The following RP1 variants were observed in gnomAD, a reference collection of about 807,000 sequenced individuals.
RP1 encodes RP1 axonemal microtubule associated.
A neutral mutation model predicts 14.8 loss-of-function variants in RP1; 16 were observed. That is an observed-to-expected ratio of 1.08 (90% CI 0.73 to 1.65). The LOEUF (loss-of-function observed/expected upper bound fraction) is 1.65. RP1 is among the 40% of genes most tolerant of loss of function. The pLI is 0.00. For synonymous variants in RP1, 876 were observed against 883.6 expected (o/e 0.99, Z 0.15); for missense variants, 2,631 against 2,535.0 (o/e 1.04, Z -0.81).
chr8:54,687,565 G>C (rs930464973), intron 12 of RP1, among the ~76,000 whole-genome samples: 1 of 152,004 alleles, frequency 6.6e-6, no homozygotes, highest in Non-Finnish European at 1.5e-5. Context: ...GCGGTGTTTG[G>C]TTTTCTCTTC....
chr8:54,865,747 GAACATTTGGAGGACCT>G, intron 27 of RP1: 1 of 452,042 alleles, frequency 2.2e-6, no homozygotes, highest in Middle Eastern at 5.9e-4. Context: ...ACTTAAAAAG[GAACATTTGGAGGACCT>G]ATGAATAAAA....
chr8:54,763,655 G>A (rs1360903492), intron 22 of RP1, among the ~76,000 whole-genome samples: 4 of 152,098 alleles, frequency 2.6e-5, no homozygotes, highest in Non-Finnish European at 5.9e-5. Context: ...ACTCCAGCCT[G>A]GGCAACAAGA....
intron 1 of RP1, among the ~76,000 whole-genome samples, chr8:54,589,639 A>G (rs1461680092): frequency 1.3e-5 from 2 of 152,098 alleles, no homozygotes; most frequent in African/African-American, 2.4e-5. Flanking sequence ...TGGCCCTCCC[A>G]CTTGTCTTCC....
intron 24 of RP1, among the ~76,000 whole-genome samples, chr8:54,811,136 C>A (rs1270631139): frequency 6.6e-6 from 1 of 152,176 alleles, no homozygotes; most frequent in Non-Finnish European, 1.5e-5. Context: ...AAGGGAGAAG[C>A]CCCTGATCTT....
downstream of RP1, among the ~76,000 whole-genome samples, chr8:54,771,560 C>G (rs1498185): frequency 0.81 from 123,042 of 151,594 alleles, 50,557 homozygotes; most frequent in African/African-American, 0.95. Context: ...ATGCTTCCTT[C>G]TAATTAATTA....
intron 6 of RP1, among the ~76,000 whole-genome samples, chr8:54,661,646 G>T (rs190785309): frequency 6.6e-6 from 1 of 152,162 alleles, no homozygotes; most frequent in African/African-American, 2.4e-5. Context: ...CCAGAGGATG[G>T]AGCTGGTGTG....
chr8:54,683,994 AG>A, intron 12 of RP1, among the ~76,000 whole-genome samples: 1 of 126,322 alleles, frequency 7.9e-6, no homozygotes, highest in East Asian at 2.5e-4. Context: ...GTTGCTTGAG[AG>A]TTTTTTTTTT....
intron 12 of RP1, among the ~76,000 whole-genome samples, chr8:54,693,261 A>C (rs1407606122): frequency 6.6e-6 from 1 of 152,010 alleles, no homozygotes. Context: ...TGATGCCTCC[A>C]GCTTTGTTCT....
In RP1 at chr8:54,625,701, C is replaced by T; in HGVS notation, c.1819C>T (p.Pro607Ser). ...TYGNTNDRFS[P>S]ISADATHFSS... Reference sequence around the variant, plus strand: ...TGGTAACACCAATGATAGGTTCAGTCCTATTTCAGCAGATGCAACCCATTT... The same window carrying T: ...TGGTAACACCAATGATAGGTTCAGTTCTATTTCAGCAGATGCAACCCATTT... The change falls in exon 4 of 4, where the codon CCT (proline) becomes TCT (serine). Residue 607 changes from proline (P) to serine (S), a missense_variant. Coordinates refer to ENST00000220676, the MANE Select transcript of RP1 (RefSeq NM_006269.2). 1.9e-6 allele frequency: 3 copies of T among 1,614,058 alleles called. No individual in the cohort carries two copies. The highest frequency in any genetic ancestry group is 2.5e-6 in the Non-Finnish European group (3 of 1,179,994).
intron 24 of RP1, among the ~76,000 whole-genome samples, chr8:54,812,066 C>A (rs1811009526): frequency 6.6e-6 from 1 of 152,220 alleles, no homozygotes; most frequent in Non-Finnish European, 1.5e-5. Context: ...CACAACCATA[C>A]TATATCGAGA....
chr8:54,776,766 G>A (rs1029410187), intron 23 of RP1, among the ~76,000 whole-genome samples: 1 of 152,122 alleles, frequency 6.6e-6, no homozygotes, highest in Non-Finnish European at 1.5e-5. Context: ...ATGATCACAG[G>A]GAACCTAGGG....
intron 7 of RP1, among the ~76,000 whole-genome samples, chr8:54,670,188 A>G (rs1432317039): frequency 6.6e-6 from 1 of 151,942 alleles, no homozygotes; most frequent in Non-Finnish European, 1.5e-5. Flanking sequence ...ATTTGTTAAG[A>G]CTTGTTTGTG....
intron 24 of RP1, among the ~76,000 whole-genome samples, chr8:54,823,797 A>G (rs1256529818): frequency 6.6e-6 from 1 of 152,166 alleles, no homozygotes; most frequent in Non-Finnish European, 1.5e-5. Context: ...ATGGTTTTCC[A>G]TTTCTCTGGG....
intron 6 of RP1, among the ~76,000 whole-genome samples, chr8:54,663,092 C>T (rs1226892960): frequency 6.6e-6 from 1 of 152,142 alleles, no homozygotes; most frequent in African/African-American, 2.4e-5. Flanking sequence ...ATGAAATCTT[C>T]TGCTGTCCTG....
rs1409331466 is a variant in RP1, at chr8:54,720,172, T to G, written c.2255T>G (p.Leu752Trp). The G allele has an allele frequency of 3.9e-6, 6 of 1,535,484 alleles. 1 individual carries two copies. In the South Asian group the frequency reaches 7.1e-5, roughly 18 times the overall value. The change falls in exon 16 of 23, where the codon TTG (leucine) becomes TGG (tryptophan). Residue 752 changes from leucine (L) to tryptophan (W), a missense_variant. Physicochemically the swap from Leu to Trp is moderately conservative, Grantham distance 61. Transcript: ENST00000636932. ...TGTCATTTTAAAATTAAGAAGAACT[T>G]GAAGAATGCATCCATAAGCCTGGAA...
In RP1 at chr8:54,661,893, T is replaced by C. The variant is rs539916936; in HGVS notation, c.1172-1806T>C. ...GTTCTCTCCAGTCTGCTCTTGAGCC[T>C]CTTCAGTGAGTTTTAAAATTTGTTT... is the stretch of plus-strand genomic sequence containing the variant. On this transcript the variant is annotated intron_variant, in intron 6 of 22. Transcript: ENST00000636932. 5.9e-5 allele frequency among the ~76,000 whole-genome samples: 9 copies of C among 152,304 alleles called. No individual in the cohort carries two copies. The East Asian group carries it at 1.7e-3, about 29-fold the overall frequency.
intron 7 of RP1, among the ~76,000 whole-genome samples, chr8:54,670,619 ATG>A (rs1455777508): frequency 1.2e-4 from 17 of 138,462 alleles, no homozygotes; most frequent in East Asian, 6.1e-4. Flanking sequence ...ATATGTATAT[ATG>A]TATACTCTGA....
intron 27 of RP1, among the ~76,000 whole-genome samples, chr8:54,861,116 A>T (rs774168548): frequency 6.6e-6 from 1 of 152,238 alleles, no homozygotes; most frequent in African/African-American, 2.4e-5. Context: ...AAAGTATACC[A>T]TAATAGAGTA....
chr8:54,686,391 T>TG (rs1451755011), intron 12 of RP1, among the ~76,000 whole-genome samples: 2 of 151,660 alleles, frequency 1.3e-5, no homozygotes, highest in Non-Finnish European at 2.9e-5. Flanking sequence ...AGAAAAAGTT[T>TG]TTTTTTTTTT....
Sources: allele counts gnomAD v4.1 joint callset (sites outside exome capture counted in the v4.1 genomes callset), GRCh38; gene constraint gnomAD v4.1.1; transcripts MANE v1.5; gene names NCBI Gene and HGNC (gene_info 2026-07-23, HGNC 2026-07-21).